CPO: variants seen among roughly 807,000 people sequenced by gnomAD.
CPO encodes carboxypeptidase O, also known as metallocarboxypeptidase C.
A neutral mutation model predicts 41.2 loss-of-function variants in CPO; 43 were observed. That is an observed-to-expected ratio of 1.04 (90% CI 0.82 to 1.35). The LOEUF (loss-of-function observed/expected upper bound fraction) is 1.35. Ranked by LOEUF, CPO falls within the 40% of genes most tolerant of loss-of-function variation. The pLI is 0.00. For missense variants in CPO, 408 were observed against 451.7 expected, an observed-to-expected ratio of 0.90 and a Z score of 0.88; for synonymous variants, 178 against 162.7, an observed-to-expected ratio of 1.09 and a Z score of -0.72.
intron 2 of CPO, 120 bp from the exon 3 acceptor site, chr2:206,955,343 G>T (rs1574351517): frequency 1.4e-6 from 1 of 719,824 alleles, no homozygotes; most frequent in East Asian, 2.5e-5. Context: ...CCACACAGCT[G>T]TTGCAATCTA....
intron 7 of CPO, among the ~76,000 whole-genome samples, chr2:206,967,331 CTATATATATATA>C (rs200615925): frequency 0.17 from 19,744 of 118,464 alleles, 1,498 homozygotes; most frequent in Middle Eastern, 0.29. Flanking sequence ...CTCTGAAATG[CTATATATATATA>C]TATATATAGA....
intron 7 of CPO, among the ~76,000 whole-genome samples, chr2:206,965,327 C>T (rs1009859727): frequency 3.9e-5 from 6 of 151,982 alleles, no homozygotes; most frequent in African/African-American, 9.7e-5. Context: ...TGATAGAGTG[C>T]GCAAAGACAC....
rs771042305 is a variant in CPO, at chr2:206,939,560, C to A, written c.-40C>A. 23 of 1,554,170 alleles carry A rather than the reference C, an allele frequency of 1.5e-5. No individual in the cohort carries two copies. Among genetic ancestry groups the A allele is most frequent in the Non-Finnish European group, 2.0e-5 (23 of 1,127,384 alleles). On this transcript the variant is annotated 5_prime_UTR_variant, in exon 1 of 9. Coordinates refer to ENST00000272852, the MANE Select transcript of CPO (RefSeq NM_173077.3). ...ATTCTCAAGGACACTTGATCCACTG[C>A]CAGAGAGGCCCAGAATTTTCTAACT...
intron 7 of CPO, among the ~76,000 whole-genome samples, chr2:206,963,970 G>T (rs1223586728): frequency 6.6e-6 from 1 of 152,066 alleles, no homozygotes; most frequent in Non-Finnish European, 1.5e-5. Context: ...GTACATAAGG[G>T]TTTCTCCACA....
intron 3 of CPO, among the ~76,000 whole-genome samples, chr2:206,957,017 C>T (rs1338484160): frequency 6.6e-6 from 1 of 152,116 alleles, no homozygotes; most frequent in East Asian, 1.9e-4. Flanking sequence ...TAAAGAGTTG[C>T]ACATAATAAA....
chr2:206,958,448 A>G, intron 4 of CPO, 43 bp downstream of exon 4: 3 of 1,069,896 alleles, frequency 2.8e-6, no homozygotes, highest in Non-Finnish European at 4.2e-6. Context: ...TCACCCCCAT[A>G]AAATATCTGT....
At position 206,949,546 on chromosome 2, in the gene CPO, C is replaced by G. The variant is rs6723529; in HGVS notation, c.69-71C>G. 374 of 1,139,090 alleles carry G rather than the reference C, an allele frequency of 3.3e-4. No individual in the cohort carries two copies. In the African/African-American group the frequency reaches 5.1e-3, roughly 16 times the overall value. The allele number at this position is 1,139,090 out of a possible 1,614,324, so 70.6% of individuals were successfully genotyped here. On this transcript the variant is annotated intron_variant, in intron 1 of 8. Coordinates refer to ENST00000272852, the MANE Select transcript of CPO (RefSeq NM_173077.3). ...TGCACACTGATTCTACTACCTTTTT[C>G]AACAACCCGCCAACCCTCAGGATAT...
chr2:206,943,237 A>G (rs1230509681), intron 1 of CPO, among the ~76,000 whole-genome samples: 3 of 152,262 alleles, frequency 2.0e-5, no homozygotes, highest in Middle Eastern at 3.4e-3. Flanking sequence ...TGAAGGAAGG[A>G]AGAACAGCCA....
In CPO at chr2:206,969,397, G is replaced by T. The variant is rs763806239; in HGVS notation, c.1086G>T (p.Met362Ile). The T allele has an allele frequency of 1.7e-5, 27 of 1,613,970 alleles. No homozygotes were observed. The highest frequency in any genetic ancestry group is 2.2e-5 in the Non-Finnish European group (26 of 1,180,002). Reference protein sequence around the residue: ...DSAGRVTSATMLLGLLVSCMS... With the variant: ...DSAGRVTSATILLGLLVSCMS... ...CTGGAAGGGTGACATCTGCCACTAT[G>T]CTGCTGGGCCTGCTGGTGTCCTGCA... is the stretch of plus-strand genomic sequence containing the variant. The change falls in exon 9 of 9, where the codon ATG becomes ATT. Residue 362 changes from methionine (M) to isoleucine (I), a missense_variant. Coordinates refer to ENST00000272852, the MANE Select transcript of CPO (RefSeq NM_173077.3).
chr2:206,955,408 G>A (rs563874758), intron 2 of CPO, 55 bp from the exon 3 acceptor site: 1 of 965,346 alleles, frequency 1.0e-6, no homozygotes, highest in South Asian at 1.3e-5. Context: ...ATCTTAATCA[G>A]AGGCATGCAA....
intron 1 of CPO, among the ~76,000 whole-genome samples, chr2:206,948,833 A>C (rs897539501): frequency 1.3e-5 from 2 of 152,194 alleles, no homozygotes; most frequent in African/African-American, 4.8e-5. Flanking sequence ...GTCAGAATCC[A>C]TTCAATGTAT....
chr2:206,943,948 A>G (rs1418217162), intron 1 of CPO, among the ~76,000 whole-genome samples: 3 of 152,116 alleles, frequency 2.0e-5, no homozygotes, highest in African/African-American at 7.2e-5. Context: ...ATTGATAGTT[A>G]ATCAGGCACT....
chr2:206,946,648 T>G (rs1364513298), intron 1 of CPO, among the ~76,000 whole-genome samples: 2 of 151,988 alleles, frequency 1.3e-5, no homozygotes, highest in African/African-American at 4.8e-5. Flanking sequence ...AGTATACAGA[T>G]TGGGAAGAAA....
intron 4 of CPO, 45 bp downstream of exon 4, chr2:206,958,450 A>C: frequency 9.6e-7 from 1 of 1,043,768 alleles, no homozygotes; most frequent in Non-Finnish European, 1.4e-6. Flanking sequence ...ACCCCCATAA[A>C]ATATCTGTCA....
intron 8 of CPO, 29 bp downstream of exon 8, chr2:206,968,376 G>A (rs772514565): frequency 3.8e-6 from 5 of 1,307,120 alleles, no homozygotes; most frequent in Non-Finnish European, 5.5e-6. Context: ...CTCTTCAATA[G>A]TATCTAAGGC....
intron 7 of CPO, among the ~76,000 whole-genome samples, chr2:206,964,557 C>T (rs536496711): frequency 9.2e-5 from 14 of 152,262 alleles, no homozygotes; most frequent in Admixed American, 2.6e-4. Context: ...CTACCTCGCA[C>T]GCCTCTCTCT....
At chr2:206,957,011 G>C (rs1031140939) in intron 3 of CPO, among the ~76,000 whole-genome samples, 2 of 152,150 alleles carry the variant, frequency 1.3e-5, no homozygotes, top group Non-Finnish European at 2.9e-5. Flanking sequence ...ACATAATAAA[G>C]AGTTGCACAT....
At position 206,959,678 on chromosome 2, in the gene CPO, G is replaced by A; in HGVS notation, c.420G>A (p.Arg140=). Residue 140 remains arginine (R), a synonymous_variant, in exon 5 of 9, where the codon AGG becomes AGA. Coordinates refer to ENST00000272852, the MANE Select transcript of CPO (RefSeq NM_173077.3). ...KDNSSIRKLL[R]NLDFYVLPVL... ...ACTCAAGTATACGCAAGCTCCTTAG[G>A]AACCTGGACTTCTATGTCCTTCCAG... 1 of 1,580,790 alleles carries A rather than the reference G, an allele frequency of 6.3e-7. No homozygotes were observed. Among genetic ancestry groups the A allele is most frequent in the Non-Finnish European group, 8.7e-7 (1 of 1,149,712 alleles).
chr2:206,962,597 A>G lies in CPO; in HGVS notation c.760A>G (p.Ser254Gly), dbSNP rs2105828240. 6.2e-7 allele frequency: 1 copy of G among 1,614,106 alleles called. No homozygotes were observed. Among genetic ancestry groups the G allele is most frequent in the African/African-American group, 1.3e-5 (1 of 75,048 alleles). ...TTACGGCTACACCAAAAATAAATCA[A>G]GTAACCACCCAGAAATGGTGAGTCC... ...TPYGYTKNKS[S>G]NHPEMIQVGQ... The change falls in exon 7 of 9, where the codon AGT becomes GGT. Residue 254 changes from serine (S) to glycine (G), a missense_variant. Transcript: ENST00000272852.
Sources: allele counts gnomAD v4.1 joint callset (sites outside exome capture counted in the v4.1 genomes callset), GRCh38; gene constraint gnomAD v4.1.1; transcripts MANE v1.5; gene names NCBI Gene and HGNC (gene_info 2026-07-23, HGNC 2026-07-21).